ENTREP2: variants seen among roughly 807,000 people sequenced by gnomAD.
ENTREP2 encodes the protein endosomal transmembrane epsin interactor 2.
the ENTREP2 span, among the ~76,000 whole-genome samples, chr15:29,297,442 A>G: frequency 6.6e-6 from 1 of 152,340 alleles, no homozygotes; most frequent in Non-Finnish European, 1.5e-5. Context: ...ATGACAGATA[A>G]AGGGAAATAA....
At chr15:29,211,996 G>A in the ENTREP2 span, among the ~76,000 whole-genome samples, 2 of 152,190 alleles carry the variant, frequency 1.3e-5, no homozygotes, top group South Asian at 2.1e-4. Context: ...TTCACAGAAT[G>A]AATTAGGGAG....
the ENTREP2 span, among the ~76,000 whole-genome samples, chr15:29,645,627 G>T: frequency 3.6e-4 from 54 of 151,696 alleles, no homozygotes; most frequent in Non-Finnish European, 3.8e-4. Context: ...GTGTGGTCTC[G>T]GCTCACTACA....
At chr15:29,308,028 T>C in the ENTREP2 span, among the ~76,000 whole-genome samples, 19,199 of 152,138 alleles carry the variant, frequency 0.13, 1,631 homozygotes, top group African/African-American at 0.24. Context: ...TAATAATGTG[T>C]TTATATATTT....
At chr15:29,118,890 C>A in the ENTREP2 span, among the ~76,000 whole-genome samples, 1 of 152,158 alleles carries the variant, frequency 6.6e-6, no homozygotes, top group Non-Finnish European at 1.5e-5. Flanking sequence ...GAGGCGGTGG[C>A]CTGGGGTCCA....
At chr15:29,175,359 T>C in the ENTREP2 span, among the ~76,000 whole-genome samples, 1 of 152,200 alleles carries the variant, frequency 6.6e-6, no homozygotes, top group East Asian at 1.9e-4. Flanking sequence ...CAATCAACAT[T>C]AGCTATGACT....
the ENTREP2 span, among the ~76,000 whole-genome samples, chr15:29,333,182 C>T: frequency 3.9e-5 from 6 of 152,210 alleles, no homozygotes; most frequent in African/African-American, 1.4e-4. Context: ...TGGCTATGGA[C>T]ACAGTCCTGG....
chr15:29,644,781 C>G, the ENTREP2 span, among the ~76,000 whole-genome samples: 128 of 126,940 alleles, frequency 1.0e-3, no homozygotes, highest in Non-Finnish European at 1.8e-3. Context: ...CCAGCCTGGG[C>G]AACAGAGCGA....
the ENTREP2 span, among the ~76,000 whole-genome samples, chr15:29,347,328 AATTTT>A: frequency 5.3e-5 from 8 of 151,862 alleles, no homozygotes; most frequent in Admixed American, 4.6e-4. Context: ...GTGCCTGGCT[AATTTT>A]ATTTTATTTT....
At chr15:29,397,387 TC>T in the ENTREP2 span, among the ~76,000 whole-genome samples, 1 of 151,776 alleles carries the variant, frequency 6.6e-6, no homozygotes, top group Non-Finnish European at 1.5e-5. Flanking sequence ...TGAGACTCCA[TC>T]TTAAAAAAAG....
chr15:29,232,292 C>T, the ENTREP2 span, among the ~76,000 whole-genome samples: 4 of 152,186 alleles, frequency 2.6e-5, no homozygotes. Flanking sequence ...TAAATTCGAT[C>T]TATTTCACAC....
the ENTREP2 span, among the ~76,000 whole-genome samples, chr15:29,192,560 G>A: frequency 1.3e-5 from 2 of 152,204 alleles, no homozygotes; most frequent in African/African-American, 4.8e-5. Flanking sequence ...GGAGAGACAT[G>A]AGCACTTACC....
chr15:29,673,814 G>A, the ENTREP2 span, among the ~76,000 whole-genome samples: 1 of 152,196 alleles, frequency 6.6e-6, no homozygotes, highest in African/African-American at 2.4e-5. Context: ...AGGACAGCTT[G>A]GGGGTTGGAA....
At chr15:29,345,316 T>C in the ENTREP2 span, among the ~76,000 whole-genome samples, 1 of 152,158 alleles carries the variant, frequency 6.6e-6, no homozygotes, top group Non-Finnish European at 1.5e-5. Context: ...TCAGGAGTAA[T>C]GCCAGGGTCC....
chr15:29,439,778 T>C, the ENTREP2 span, among the ~76,000 whole-genome samples: 1 of 152,178 alleles, frequency 6.6e-6, no homozygotes, highest in Non-Finnish European at 1.5e-5. Flanking sequence ...CCTCCTCCTC[T>C]TGAGTGTGGG....
At chr15:29,513,075 TA>T in the ENTREP2 span, among the ~76,000 whole-genome samples, 1 of 152,252 alleles carries the variant, frequency 6.6e-6, no homozygotes, top group Non-Finnish European at 1.5e-5. Flanking sequence ...AATCCTTCTT[TA>T]AACACTCTTT....
chr15:29,250,233 G>A, the ENTREP2 span, among the ~76,000 whole-genome samples: 82 of 152,286 alleles, frequency 5.4e-4, no homozygotes, highest in African/African-American at 2.0e-3. Context: ...TCCAAATCCA[G>A]TACTGTTTGT....
the ENTREP2 span, among the ~76,000 whole-genome samples, chr15:29,598,070 G>A: frequency 6.6e-6 from 1 of 151,958 alleles, no homozygotes. Context: ...TTGCAGTGAG[G>A]TAAGATCACA....
chr15:29,650,893 G>A, the ENTREP2 span, among the ~76,000 whole-genome samples: 1 of 152,094 alleles, frequency 6.6e-6, no homozygotes, highest in African/African-American at 2.4e-5. Flanking sequence ...ATATGCACCT[G>A]TAGTCCTAAC....
At chr15:29,137,023 G>A in the ENTREP2 span, 104 of 1,425,054 alleles carry the variant, frequency 7.3e-5, no homozygotes, top group South Asian at 3.2e-5. Context: ...GGGCAGCCGC[G>A]GGAGACCAAC....
Sources: gnomAD v4.1 joint callset for allele counts (sites outside exome capture counted in the v4.1 genomes callset) on GRCh38, gnomAD v4.1.1 for gene constraint, MANE v1.5 for transcripts, NCBI Gene and HGNC (gene_info 2026-07-23, HGNC 2026-07-21) for gene names.